TRPM7: variants seen among roughly 807,000 people sequenced by gnomAD.
TRPM7 encodes the protein transient receptor potential cation channel subfamily M member 7.
TRPM7 carries 134 observed loss-of-function variants against 229.7 expected under a neutral mutation model. That is an observed-to-expected ratio of 0.58 (90% CI 0.51 to 0.67). The LOEUF (loss-of-function observed/expected upper bound fraction) is 0.67, where lower values mean the gene tolerates loss of function less well. TRPM7 is among the 30% of genes least tolerant of loss of function. The probability of loss-of-function intolerance (pLI) is 0.00; values close to 1 mark genes in which losing one functional copy is unlikely to be tolerated. For missense variants in TRPM7, 1,901 were observed against 2,210.0 expected (o/e 0.86, Z 2.80); for synonymous variants, 699 against 715.2 (o/e 0.98, Z 0.36).
intron 1 of TRPM7, among the ~76,000 whole-genome samples, chr15:50,666,287 A>G (rs2061878236): frequency 6.6e-6 from 1 of 151,282 alleles, no homozygotes; most frequent in South Asian, 2.1e-4. Flanking sequence ...AAATACAAAA[A>G]ATTAGCCAAG....
In TRPM7 at chr15:50,559,418, C is replaced by T. The variant is rs1365114144; in HGVS notation, c.*2260G>A. ...ATGTTGCCCAGGCTGGTCTCAAACT[C>T]CTGAGCCCAAGTGATCCACCTGCCT... On this transcript the variant is annotated 3_prime_UTR_variant, in exon 39 of 39. Transcript: ENST00000646667. 11 of 151,390 alleles carry T rather than the reference C, an allele frequency of 7.3e-5. No homozygotes were observed. Among genetic ancestry groups the T allele is most frequent in the African/African-American group, 1.7e-4 (7 of 41,156 alleles). 9.4% of individuals were successfully genotyped at this position (151,390 alleles called of 1,614,324 possible). A position where few individuals can be genotyped will look rare whatever the true frequency, so the allele number is the denominator to read the frequency against.
At chr15:50,596,002 T>C (rs1489528171) in intron 23 of TRPM7, among the ~76,000 whole-genome samples, 2 of 152,204 alleles carry the variant, frequency 1.3e-5, no homozygotes, top group African/African-American at 2.4e-5. Flanking sequence ...TGCGTATTTG[T>C]TGGCAACCGA....
At position 50,592,525 on chromosome 15, in the gene TRPM7, T is replaced by G. The variant is rs1234917843; in HGVS notation, c.3710A>C (p.Asp1237Ala). The G allele has an allele frequency of 1.2e-6, 2 of 1,613,804 alleles. No homozygotes were observed. Among genetic ancestry groups the G allele is most frequent in the Admixed American group, 3.3e-5 (2 of 60,018 alleles). ...TGTATCTACCGTCAGGGCTGAAAGA[T>G]CTTGCAAATGGCCAATTTGAGAATC... ...SLDSQIGHLQ[D>A]LSALTVDTLK... Residue 1237 changes from aspartate (D) to alanine (A), a missense_variant, in exon 26 of 39, where the codon GAT becomes GCT. Transcript: ENST00000646667.
rs1230531821 is a variant in TRPM7, at chr15:50,574,717, T to A, written c.5022A>T (p.Glu1674Asp). ...EDTVLHLCLR[E>D]IQQQRAAQKL... The stretch of plus-strand genomic sequence containing the variant: ...TTTGTGCTGCTCTCTGTTGTTGAAT[T>A]TCCTATAAAAGGGAGGGTGGGGAGA... The change falls in exon 35 of 39, where the codon GAA becomes GAT. Residue 1674 changes from glutamate to aspartate, a missense_variant and splice_region_variant. Physicochemically the swap from Glu to Asp is conservative, Grantham distance 45. This residue lies in a region of TRPM7 where 257 missense variants were observed against 352.0 expected (regional missense o/e 0.73). Transcript: ENST00000646667. 6.2e-7 allele frequency: 1 copy of A among 1,613,296 alleles called. No homozygotes were observed. The highest frequency in any genetic ancestry group is 8.5e-7 in the Non-Finnish European group (1 of 1,179,774).
At chr15:50,608,465 A>C (rs1044321648) in intron 19 of TRPM7, among the ~76,000 whole-genome samples, 1 of 150,916 alleles carries the variant, frequency 6.6e-6, no homozygotes, top group East Asian at 1.9e-4. Flanking sequence ...GCAGTAAAGA[A>C]AGAAAAGAGA....
intron 36 of TRPM7, among the ~76,000 whole-genome samples, chr15:50,573,642 T>A (rs763410819): frequency 6.6e-6 from 1 of 152,186 alleles, no homozygotes; most frequent in African/African-American, 2.4e-5. Flanking sequence ...CCAGGAACAA[T>A]AGAGGTATTT....
rs536371365 is a variant in TRPM7, at chr15:50,567,995, C to T, written c.5467+1892G>A. 7.4e-5 allele frequency among the ~76,000 whole-genome samples: 11 copies of T among 147,932 alleles called. No individual in the cohort carries two copies. In the East Asian group the frequency reaches 1.9e-3, roughly 26 times the overall value. The stretch of plus-strand genomic sequence containing the variant: ...TCGGGAGGCTGAGGCCGGAGAATGG[C>T]GTGAACCCGGGAGGTGGAGCTTGCA... On this transcript the variant is annotated intron_variant, in intron 38 of 38. Transcript: ENST00000646667.
rs564053587 is a variant in TRPM7, at chr15:50,593,059, G to A, written c.3609-433C>T. 1.3e-5 allele frequency among the ~76,000 whole-genome samples: 2 copies of A among 152,254 alleles called. 1 individual carries two copies. Among genetic ancestry groups the A allele is most frequent in the Middle Eastern group, 6.8e-3 (2 of 294 alleles). On this transcript the variant is annotated intron_variant, in intron 25 of 38. Transcript: ENST00000646667. ...TAATCCCAGAACTTTGGGAGGCTGA[G>A]GCGGGCAGATCACGAGGTCAGGAGT...
intron 1 of TRPM7, among the ~76,000 whole-genome samples, chr15:50,670,874 G>A (rs1473484186): frequency 6.6e-6 from 1 of 151,626 alleles, no homozygotes; most frequent in Non-Finnish European, 1.5e-5. Flanking sequence ...GCCAAAACGT[G>A]TCAAAACATA....
At chr15:50,641,871 G>A (rs2061111353) in intron 5 of TRPM7, among the ~76,000 whole-genome samples, 1 of 151,904 alleles carries the variant, frequency 6.6e-6, no homozygotes, top group African/African-American at 2.4e-5. Context: ...GTGGTGACGG[G>A]CACCTGTAAT....
At chr15:50,590,904 C>T (rs1187441007) in intron 26 of TRPM7, among the ~76,000 whole-genome samples, 3 of 151,868 alleles carry the variant, frequency 2.0e-5, no homozygotes, top group Non-Finnish European at 4.4e-5. Flanking sequence ...CCCATATAGC[C>T]TAGAAGTAAT....
At position 50,592,056 on chromosome 15, in the gene TRPM7, A is replaced by C; in HGVS notation, c.4179T>G (p.His1393Gln). Residue 1393 changes from histidine (H) to glutamine (Q), a missense_variant, in exon 26 of 39, where the codon CAT becomes CAG. His to Gln is a conservative substitution (Grantham distance 24, BLOSUM62 0). This residue lies in a region of TRPM7 where 533 missense variants were observed against 497.1 expected (regional missense o/e 1.07). Coordinates refer to ENST00000646667, the MANE Select transcript of TRPM7 (RefSeq NM_017672.6). ...KLGSSSTSIP[H>Q]LSSPPTKFFV... ...AAAATTTGGTTGGTGGGGATGACAGATGTGGTATGCTAGTAGATGAACTGC... is the reference window on the plus strand; with the variant it reads ...AAAATTTGGTTGGTGGGGATGACAGCTGTGGTATGCTAGTAGATGAACTGC... 1 of 1,613,522 alleles carries C rather than the reference A, an allele frequency of 6.2e-7. No individual in the cohort carries two copies. The highest frequency in any genetic ancestry group is 8.5e-7 in the Non-Finnish European group (1 of 1,179,798).
In TRPM7 at chr15:50,686,517, C is replaced by T. The variant is rs1016044439; in HGVS notation, c.3+14G>A. The T allele has an allele frequency of 6.2e-7, 1 of 1,613,790 alleles. No homozygotes were observed. Among genetic ancestry groups the T allele is most frequent in the Non-Finnish European group, 8.5e-7 (1 of 1,179,840 alleles). ...CAGAACCATTCCCCGCCCGGGCCTG[C>T]GTGGGTCCAGTACCATTCTCCTCAC... is the stretch of plus-strand genomic sequence containing the variant. On this transcript the variant is annotated intron_variant, in intron 1 of 38. Coordinates refer to ENST00000646667, the MANE Select transcript of TRPM7 (RefSeq NM_017672.6).
At chr15:50,620,893 T>C (rs1027229851) in intron 12 of TRPM7, among the ~76,000 whole-genome samples, 3 of 151,106 alleles carry the variant, frequency 2.0e-5, no homozygotes, top group Admixed American at 6.6e-5. Flanking sequence ...GATCGCGTCA[T>C]TGCACTCCAG....
At chr15:50,585,803 AT>A (rs1468701318) in intron 28 of TRPM7, among the ~76,000 whole-genome samples, 2 of 152,350 alleles carry the variant, frequency 1.3e-5, no homozygotes, top group East Asian at 3.9e-4. Context: ...ATCTTGACTT[AT>A]AAAAAATTAT....
At chr15:50,619,040 T>C (rs1293181830) in intron 13 of TRPM7, among the ~76,000 whole-genome samples, 2 of 152,172 alleles carry the variant, frequency 1.3e-5, no homozygotes, top group Non-Finnish European at 2.9e-5. Flanking sequence ...ATTAAGATCA[T>C]GACCCAGTCC....
chr15:50,600,436 TAAAAA>T (rs894855873), intron 21 of TRPM7, among the ~76,000 whole-genome samples: 4 of 130,112 alleles, frequency 3.1e-5, no homozygotes, highest in Non-Finnish European at 5.0e-5. Flanking sequence ...GACTCCATCT[TAAAAA>T]AAAAAAAAAA....
intron 1 of TRPM7, among the ~76,000 whole-genome samples, chr15:50,681,107 C>T (rs778007130): frequency 6.6e-6 from 1 of 151,952 alleles, no homozygotes; most frequent in Non-Finnish European, 1.5e-5. Flanking sequence ...AAAAATTAGC[C>T]GGGCATGGTA....
chr15:50,617,750 T>G (rs1451074047), intron 13 of TRPM7, among the ~76,000 whole-genome samples: 1 of 152,032 alleles, frequency 6.6e-6, no homozygotes, highest in African/African-American at 2.4e-5. Context: ...TGGGCTCAAG[T>G]GATCCTCCCT....
Sources: gnomAD v4.1 joint callset for allele counts (sites outside exome capture counted in the v4.1 genomes callset) on GRCh38, gnomAD v4.1.1 for gene constraint, gnomAD v4.1.1 regional missense constraint, MANE v1.5 for transcripts, NCBI Gene and HGNC (gene_info 2026-07-23, HGNC 2026-07-21) for gene names.